The following PHACTR4 variants were observed in gnomAD, a reference collection of about 807,000 sequenced individuals.
The protein encoded by PHACTR4 is protein phosphatase 1, regulatory subunit 124.
PHACTR4 carries 51 observed loss-of-function variants against 72.7 expected under a neutral mutation model. The observed-to-expected ratio is 0.70, with a 90% CI of 0.56 to 0.89. The LOEUF is 0.89. Ranked by LOEUF, PHACTR4 falls within the 40% of genes least tolerant of loss-of-function variation. The pLI, the probability that PHACTR4 is intolerant of heterozygous loss-of-function variation, is 0.00. For synonymous variants in PHACTR4, 255 were observed against 302.5 expected, an observed-to-expected ratio of 0.84 and a Z score of 1.63; for missense variants, 731 against 861.8, an observed-to-expected ratio of 0.85 and a Z score of 1.90.
chr1:28,443,451 CT>C (rs919352897), intron 2 of PHACTR4, among the ~76,000 whole-genome samples: 44 of 145,266 alleles, frequency 3.0e-4, no homozygotes, highest in Middle Eastern at 3.5e-3. Flanking sequence ...CCAGCTAATT[CT>C]TTTTTTTTTT....
At chr1:28,383,545 C>G (rs186972557) in intron 1 of PHACTR4, among the ~76,000 whole-genome samples, 13 of 152,058 alleles carry the variant, frequency 8.5e-5, no homozygotes, top group African/African-American at 1.4e-4. Context: ...TTTTGTAGTT[C>G]TCTTTGTAGA....
intron 2 of PHACTR4, among the ~76,000 whole-genome samples, chr1:28,448,577 C>A (rs1657652779): frequency 7.3e-6 from 1 of 136,778 alleles, no homozygotes; most frequent in African/African-American, 3.0e-5. Context: ...ACAGTGAAAT[C>A]CCATCTCTAC....
intron 6 of PHACTR4, among the ~76,000 whole-genome samples, chr1:28,467,992 G>A (rs1423757249): frequency 6.6e-6 from 1 of 152,124 alleles, no homozygotes; most frequent in African/African-American, 2.4e-5. Context: ...TCTTGTTCAC[G>A]ATTGAACGAA....
At chr1:28,485,831 A>G (rs1660608145) in intron 9 of PHACTR4, among the ~76,000 whole-genome samples, 3 of 151,038 alleles carry the variant, frequency 2.0e-5, no homozygotes, top group South Asian at 2.1e-4. Context: ...CCTGGGAGGC[A>G]GAGGTTGCAA....
intron 1 of PHACTR4, among the ~76,000 whole-genome samples, chr1:28,373,968 C>G (rs1232134077): frequency 5.3e-5 from 8 of 152,200 alleles, no homozygotes. Context: ...GCAGCACCAA[C>G]AGCTTTAATT....
At chr1:28,371,063 C>T (rs1368484661) in intron 1 of PHACTR4, among the ~76,000 whole-genome samples, 3 of 152,118 alleles carry the variant, frequency 2.0e-5, no homozygotes, top group Non-Finnish European at 4.4e-5. Context: ...CTGTGTATGT[C>T]CTCCTGTTGG....
intron 1 of PHACTR4, among the ~76,000 whole-genome samples, chr1:28,381,824 G>C (rs1011821000): frequency 2.0e-5 from 3 of 152,186 alleles, no homozygotes; most frequent in Non-Finnish European, 2.9e-5. Context: ...CTAGGTTGGA[G>C]TGCAATGGCA....
At chr1:28,465,946 G>A in intron 5 of PHACTR4, 97 bp downstream of exon 5, 1 of 1,235,306 alleles carries the variant, frequency 8.1e-7, no homozygotes, top group Non-Finnish European at 1.1e-6. Flanking sequence ...GAAATCTAGA[G>A]AGAATTACAT....
intron 1 of PHACTR4, among the ~76,000 whole-genome samples, chr1:28,385,542 CAAA>C (rs765203303): frequency 1.6e-4 from 13 of 79,166 alleles, no homozygotes; most frequent in Non-Finnish European, 2.4e-4. Flanking sequence ...GACTCTGTCT[CAAA>C]AAAAAAAAAA....
At chr1:28,393,165 A>C (rs1653191615) in intron 1 of PHACTR4, among the ~76,000 whole-genome samples, 1 of 152,156 alleles carries the variant, frequency 6.6e-6, no homozygotes, top group Admixed American at 6.6e-5. Context: ...TAAACAAAAT[A>C]TGGCACAATC....
chr1:28,445,468 T>C (rs529592652), intron 2 of PHACTR4, among the ~76,000 whole-genome samples: 6 of 143,028 alleles, frequency 4.2e-5, no homozygotes, highest in East Asian at 1.9e-4. Context: ...TCCTTCTCTG[T>C]CTTTCCATTT....
In PHACTR4 at chr1:28,496,755, C is replaced by A. The variant is rs1295868966; in HGVS notation, c.*206C>A. 8.1e-6 allele frequency: 5 copies of A among 617,456 alleles called. No individual in the cohort carries two copies. Among genetic ancestry groups the A allele is most frequent in the Non-Finnish European group, 1.1e-5 (4 of 348,678 alleles). 38.2% of individuals were successfully genotyped at this position (617,456 alleles called of 1,614,324 possible). ...GGGGCAAAACAACACTTTGTCAGTG[C>A]TTTTGAACCTTTCAATATTGTAGCA... On this transcript the variant is annotated 3_prime_UTR_variant, in exon 14 of 14. Transcript: ENST00000373839.
intron 1 of PHACTR4, among the ~76,000 whole-genome samples, chr1:28,382,034 T>C (rs542376119): frequency 9.9e-5 from 15 of 151,524 alleles, no homozygotes; most frequent in East Asian, 2.0e-4. Context: ...TCCCAAAGTG[T>C]TGGGATTACA....
In PHACTR4 at chr1:28,474,017, T is replaced by C; in HGVS notation, c.1287T>C (p.Leu429=). ...TCCAGCAGGCCCTCACCAGCCCACT[T>C]CCCATGACTCCTATTCTGGAGGGTT... ...IRIQQALTSP[L]PMTPILEGSH... is the part of the protein sequence containing the mutation. The change falls in exon 7 of 14, where the codon CTT becomes CTC. Residue 429 remains leucine (L), a synonymous_variant. Coordinates refer to ENST00000373839, the MANE Select transcript of PHACTR4 (RefSeq NM_001048183.3). 1 of 1,614,112 alleles carries C rather than the reference T, an allele frequency of 6.2e-7. No homozygotes were observed. The highest frequency in any genetic ancestry group is 8.5e-7 in the Non-Finnish European group (1 of 1,180,016).
At position 28,407,394 on chromosome 1, in the gene PHACTR4, C is replaced by G. The variant is rs1654424791; in HGVS notation, c.-38-16C>G. ...TATATGTATTAAGTGTATCATTTACCTTTTTCTCTTTTTAGAAACAGTATC... is the reference window on the plus strand; with the variant it reads ...TATATGTATTAAGTGTATCATTTACGTTTTTCTCTTTTTAGAAACAGTATC... On this transcript the variant is annotated splice_polypyrimidine_tract_variant and intron_variant, in intron 1 of 13. Transcript: ENST00000373839. 1 of 1,480,714 alleles carries G rather than the reference C, an allele frequency of 6.8e-7. No homozygotes were observed. The highest frequency in any genetic ancestry group is 2.3e-5 in the East Asian group (1 of 43,802). 91.7% of individuals were successfully genotyped at this position (1,480,714 alleles called of 1,614,324 possible). A position where few individuals can be genotyped will look rare whatever the true frequency, so the allele number is the denominator to read the frequency against.
At chr1:28,434,383 G>A (rs1014389368) in intron 2 of PHACTR4, among the ~76,000 whole-genome samples, 7 of 150,644 alleles carry the variant, frequency 4.6e-5, no homozygotes, top group African/African-American at 9.8e-5. Flanking sequence ...ATGCAGTAGC[G>A]CTATCTTGGC....
At chr1:28,370,571 C>T (rs78234797) in intron 1 of PHACTR4, among the ~76,000 whole-genome samples, 4,300 of 144,816 alleles carry the variant, frequency 0.03, 86 homozygotes, top group Non-Finnish European at 0.047. Context: ...CCTCCCAAAT[C>T]TCGGAGGAGA....
chr1:28,380,322 C>T (rs966805693), intron 1 of PHACTR4, among the ~76,000 whole-genome samples: 3 of 152,008 alleles, frequency 2.0e-5, no homozygotes, highest in African/African-American at 7.3e-5. Flanking sequence ...TCCCAAAGTG[C>T]TGGGATTACA....
intron 9 of PHACTR4, 48 bp downstream of exon 9, chr1:28,480,652 T>A: frequency 1.2e-6 from 2 of 1,606,692 alleles, no homozygotes; most frequent in South Asian, 2.2e-5. Context: ...ATGCCAGTAT[T>A]TGTGTTAGAT....
Sources: gnomAD v4.1 joint callset for allele counts (sites outside exome capture counted in the v4.1 genomes callset) on GRCh38, gnomAD v4.1.1 for gene constraint, MANE v1.5 for transcripts, NCBI Gene and HGNC (gene_info 2026-07-23, HGNC 2026-07-21) for gene names.